The following DGLUCY variants were observed in gnomAD, a reference collection of about 807,000 sequenced individuals.
DGLUCY encodes the protein D-glutamate cyclase, also known as D-glutamate cyclase, mitochondrial.
A neutral mutation model predicts 58.5 loss-of-function variants in DGLUCY; 58 were observed. The observed-to-expected ratio is 0.99, with a 90% confidence interval of 0.80 to 1.23. The LOEUF is 1.23. Ranked by LOEUF, DGLUCY falls within the 50% of genes most tolerant of loss-of-function variation. DGLUCY has a pLI of 0.00. For missense variants in DGLUCY, 779 were observed against 784.7 expected (o/e 0.99, Z 0.09); for synonymous variants, 325 against 314.1 (o/e 1.03, Z -0.37).
chr14:91,118,128 T>TA (rs932673906), intron 1 of DGLUCY, among the ~76,000 whole-genome samples: 1 of 127,140 alleles, frequency 7.9e-6, no homozygotes, highest in Non-Finnish European at 1.6e-5. Flanking sequence ...TTGTCCAGGC[T>TA]AGAGTACAGT....
upstream of DGLUCY, among the ~76,000 whole-genome samples, chr14:91,106,446 C>T (rs2044591947): frequency 6.6e-6 from 1 of 152,028 alleles, no homozygotes; most frequent in South Asian, 2.1e-4. Context: ...GTAGCTCATG[C>T]CTATAATCTC....
chr14:91,139,087 T>C (rs2046503583), intron 1 of DGLUCY, among the ~76,000 whole-genome samples: 1 of 152,168 alleles, frequency 6.6e-6, no homozygotes, highest in South Asian at 2.1e-4. Context: ...CACAGGATTA[T>C]GGAGGCTGAA....
intron 9 of DGLUCY, among the ~76,000 whole-genome samples, chr14:91,193,150 G>A (rs568033482): frequency 1.1e-3 from 161 of 152,320 alleles, no homozygotes; most frequent in African/African-American, 3.7e-3. Context: ...CGAGGGAGAC[G>A]AGAAGGAGCA....
chr14:91,118,545 A>G (rs1595675438), intron 1 of DGLUCY, among the ~76,000 whole-genome samples: 1 of 152,332 alleles, frequency 6.6e-6, no homozygotes, highest in African/African-American at 2.4e-5. Flanking sequence ...TTCCTTCTTT[A>G]TCTGTCATTT....
intron 1 of DGLUCY, among the ~76,000 whole-genome samples, chr14:91,062,620 T>A (rs2043751275): frequency 9.3e-6 from 1 of 107,304 alleles, no homozygotes; most frequent in African/African-American, 3.5e-5. Context: ...TAAACAATCC[T>A]TAGCTCAAGG....
At chr14:91,180,750 TA>T (rs2049127735) in intron 7 of DGLUCY, among the ~76,000 whole-genome samples, 1 of 151,936 alleles carries the variant, frequency 6.6e-6, no homozygotes, top group Non-Finnish European at 1.5e-5. Flanking sequence ...GTAAGTGCCA[TA>T]AGGAAAAATA....
At chr14:91,122,601 A>ATTT (rs1566950755) in intron 1 of DGLUCY, among the ~76,000 whole-genome samples, 6 of 65,880 alleles carry the variant, frequency 9.1e-5, no homozygotes, top group Non-Finnish European at 1.3e-4. Flanking sequence ...AAAAGAAAAA[A>ATTT]GTTTTTTTTT....
At chr14:91,089,588 G>A (rs147584888) in intron 1 of DGLUCY, among the ~76,000 whole-genome samples, 83 of 152,268 alleles carry the variant, frequency 5.5e-4, no homozygotes, top group African/African-American at 1.6e-3. Flanking sequence ...TTGGGAGGCC[G>A]AGGCGAGCGG....
At chr14:91,145,935 G>A (rs1196755377) in intron 1 of DGLUCY, among the ~76,000 whole-genome samples, 2 of 152,062 alleles carry the variant, frequency 1.3e-5, no homozygotes, top group Non-Finnish European at 2.9e-5. Context: ...CTGGAGTGCG[G>A]TGACGTGATC....
chr14:91,163,211 G>T (rs1350705193), intron 3 of DGLUCY, among the ~76,000 whole-genome samples: 2 of 151,982 alleles, frequency 1.3e-5, no homozygotes, highest in Non-Finnish European at 2.9e-5. Context: ...AGTGAGCCAA[G>T]ATTGCGCCAC....
At chr14:91,109,719 G>C (rs1377187835), upstream of DGLUCY, among the ~76,000 whole-genome samples, 3 of 152,178 alleles carry the variant, frequency 2.0e-5, no homozygotes, top group Non-Finnish European at 4.4e-5. Flanking sequence ...GATCCCATCA[G>C]ACCAGGGCCT....
At chr14:91,077,186 C>T (rs1308500839) in intron 1 of DGLUCY, among the ~76,000 whole-genome samples, 1 of 151,570 alleles carries the variant, frequency 6.6e-6, no homozygotes, top group African/African-American at 2.4e-5. Flanking sequence ...GTGAAGGTCG[C>T]AGTGAGCCGT....
intron 1 of DGLUCY, among the ~76,000 whole-genome samples, chr14:91,138,887 A>C (rs1280579044): frequency 6.6e-6 from 1 of 152,098 alleles, no homozygotes; most frequent in East Asian, 1.9e-4. Context: ...CTTCGAGACC[A>C]TGAGCTCAAT....
At chr14:91,194,308 T>G (rs2050078404) in intron 9 of DGLUCY, among the ~76,000 whole-genome samples, 1 of 152,128 alleles carries the variant, frequency 6.6e-6, no homozygotes, top group Non-Finnish European at 1.5e-5. Flanking sequence ...GAGGGCTGTT[T>G]GGCTCTAAGT....
intron 1 of DGLUCY, among the ~76,000 whole-genome samples, chr14:91,115,883 TAGC>T (rs2044905290): frequency 2.0e-5 from 3 of 152,116 alleles, no homozygotes; most frequent in Non-Finnish European, 4.4e-5. Flanking sequence ...GCTGGCGCTG[TAGC>T]TGCTGGTTTG....
At chr14:91,131,375 G>A (rs898094378) in intron 1 of DGLUCY, among the ~76,000 whole-genome samples, 1 of 93,610 alleles carries the variant, frequency 1.1e-5, no homozygotes, top group East Asian at 3.1e-4. Context: ...TTCCCAACTT[G>A]AGATATTCTC....
intron 11 of DGLUCY, among the ~76,000 whole-genome samples, chr14:91,202,476 T>G (rs1260676571): frequency 1.3e-5 from 2 of 152,182 alleles, no homozygotes. Context: ...CCTTCTGCGC[T>G]GATTAGAACG....
chr14:91,167,571 G>A lies in DGLUCY; in HGVS notation c.257+193G>A, dbSNP rs538433707. The A allele has an allele frequency of 3.6e-4, 275 of 768,538 alleles. 1 individual carries two copies. In the African/African-American group the frequency reaches 4.5e-3, roughly 13 times the overall value. 47.6% of individuals were successfully genotyped at this position (768,538 alleles called of 1,614,324 possible). A position where few individuals can be genotyped will look rare whatever the true frequency, so the allele number is the denominator to read the frequency against. ...TTCTGACTCCTTCCCCTATCACCTG[G>A]CGCCTGTCCTGGCTGAGATCTTTGA... On this transcript the variant is annotated intron_variant, in intron 4 of 13. Coordinates refer to ENST00000256324, the MANE Select transcript of DGLUCY (RefSeq NM_001102368.3).
chr14:91,115,323 G>C (rs912489336), intron 1 of DGLUCY: 1 of 152,852 alleles, frequency 6.5e-6, no homozygotes, highest in Admixed American at 6.6e-5. Context: ...TGAGGAAGCA[G>C]GAAGGGGAAG....
Sources: gnomAD v4.1 joint callset for allele counts (sites outside exome capture counted in the v4.1 genomes callset) on GRCh38, gnomAD v4.1.1 for gene constraint, MANE v1.5 for transcripts, NCBI Gene and HGNC (gene_info 2026-07-23, HGNC 2026-07-21) for gene names.